Variants in CSMD1 observed in about 807,000 individuals in gnomAD.
CSMD1 encodes CUB and sushi domain-containing protein 1.
Under a neutral mutation model 417.5 loss-of-function variants are expected in CSMD1, and 213 were observed. The ratio of observed to expected loss-of-function variants is 0.51; its 90% CI spans 0.46 to 0.57. The LOEUF is 0.57. CSMD1 is among the 20% of genes least tolerant of loss of function. The pLI is 0.00. For missense variants in CSMD1, 6,923 were observed against 4,529.7 expected (o/e 1.53, Z -15.17); for synonymous variants, 2,862 against 1,736.8 (o/e 1.65, Z -16.11).
intron 3 of CSMD1, among the ~76,000 whole-genome samples, chr8:4,264,622 C>T (rs1396310058): frequency 6.6e-6 from 1 of 152,154 alleles, no homozygotes; most frequent in Non-Finnish European, 1.5e-5. Context: ...GTAAGGGTTT[C>T]TCACCTGCTG....
intron 2 of CSMD1, among the ~76,000 whole-genome samples, chr8:4,453,204 GAC>G (rs1231380580): frequency 7.0e-5 from 9 of 129,334 alleles, no homozygotes; most frequent in African/African-American, 2.5e-4. Context: ...CACCCACACA[GAC>G]ACACACAGAG....
At chr8:4,648,745 G>A (rs549774358) in intron 1 of CSMD1, among the ~76,000 whole-genome samples, 4 of 152,250 alleles carry the variant, frequency 2.6e-5, no homozygotes, top group Non-Finnish European at 5.9e-5. Context: ...GAGAATTTGT[G>A]GGGATGAGGG....
rs370645178 is a variant in CSMD1 at position 4,245,253 on chromosome 8, T to C, written c.415+174700A>G. 5.3e-4 allele frequency among the ~76,000 whole-genome samples: 81 copies of C among 152,338 alleles called. 1 individual carries two copies. The highest frequency in any genetic ancestry group is 1.9e-3 in the African/African-American group (78 of 41,586). Reference sequence around the variant, plus strand: ...AATCGGATGAAATCAAGCACCTGCATTACGCAATGAATTATATAACTCTAC... The same window carrying C: ...AATCGGATGAAATCAAGCACCTGCACTACGCAATGAATTATATAACTCTAC... On this transcript the variant is annotated intron_variant, in intron 3 of 69. Transcript: ENST00000635120.
intron 2 of CSMD1, among the ~76,000 whole-genome samples, chr8:4,451,161 C>T (rs192416381): frequency 2.0e-5 from 3 of 146,718 alleles, no homozygotes; most frequent in Non-Finnish European, 3.1e-5. Context: ...GACCCTGTCT[C>T]TATCAAAATA....
At chr8:4,948,764 T>A (rs532923352) in intron 1 of CSMD1, among the ~76,000 whole-genome samples, 1 of 152,150 alleles carries the variant, frequency 6.6e-6, no homozygotes, top group South Asian at 2.1e-4. Flanking sequence ...GTTTCTTTCT[T>A]TATAACCCTG....
At chr8:4,189,514 A>G (rs1206250673) in intron 3 of CSMD1, among the ~76,000 whole-genome samples, 2 of 152,218 alleles carry the variant, frequency 1.3e-5, no homozygotes, top group African/African-American at 4.8e-5. Context: ...GTATAAACAT[A>G]TATTAAAGAT....
intron 1 of CSMD1, among the ~76,000 whole-genome samples, chr8:4,929,943 G>C (rs1200654787): frequency 1.3e-5 from 2 of 152,206 alleles, no homozygotes; most frequent in African/African-American, 4.8e-5. Context: ...TTTAGTTCCT[G>C]AGTGAAGCTA....
chr8:3,727,539 G>C (rs914538404), intron 6 of CSMD1, among the ~76,000 whole-genome samples: 2 of 152,266 alleles, frequency 1.3e-5, no homozygotes, highest in Admixed American at 1.3e-4. Context: ...GGCAGCTGTC[G>C]TGAAAAAACA....
At chr8:4,831,090 T>A (rs1415417495) in intron 1 of CSMD1, among the ~76,000 whole-genome samples, 2 of 152,226 alleles carry the variant, frequency 1.3e-5, no homozygotes, top group Non-Finnish European at 2.9e-5. Flanking sequence ...GAGGGATGTT[T>A]TTTCCATTTT....
chr8:4,943,971 A>G (rs1210818210), intron 1 of CSMD1, among the ~76,000 whole-genome samples: 1 of 152,226 alleles, frequency 6.6e-6, no homozygotes, highest in Non-Finnish European at 1.5e-5. Flanking sequence ...GGAAAGAAAC[A>G]TGACAAGACA....
intron 5 of CSMD1, among the ~76,000 whole-genome samples, chr8:3,973,245 G>C (rs940219892): frequency 3.9e-5 from 6 of 152,190 alleles, no homozygotes; most frequent in Admixed American, 1.3e-4. Context: ...TGGCAGGTGG[G>C]AGTGAGAGCT....
chr8:3,539,030 G>C (rs1232629017), intron 10 of CSMD1, among the ~76,000 whole-genome samples: 2 of 152,150 alleles, frequency 1.3e-5, no homozygotes, highest in African/African-American at 2.4e-5. Context: ...CATTAGGACA[G>C]CCTGAAACAC....
chr8:4,606,190 C>T (rs774152101), intron 2 of CSMD1, among the ~76,000 whole-genome samples: 1 of 152,176 alleles, frequency 6.6e-6, no homozygotes, highest in Non-Finnish European at 1.5e-5. Context: ...GGGCACTGCA[C>T]TCCACTCAGC....
At chr8:3,177,474 C>T (rs1225083361) in intron 37 of CSMD1, among the ~76,000 whole-genome samples, 1 of 152,164 alleles carries the variant, frequency 6.6e-6, no homozygotes, top group Non-Finnish European at 1.5e-5. Flanking sequence ...TCATATTATA[C>T]ATAAAGTGAC....
chr8:3,256,436 T>C (rs1342371433), intron 26 of CSMD1, among the ~76,000 whole-genome samples: 2 of 152,108 alleles, frequency 1.3e-5, no homozygotes, highest in Non-Finnish European at 2.9e-5. Context: ...CCGAAATAAG[T>C]TCATTGTCCC....
At chr8:3,015,440 G>T (rs934296955) in intron 52 of CSMD1, among the ~76,000 whole-genome samples, 1 of 151,556 alleles carries the variant, frequency 6.6e-6, no homozygotes, top group Non-Finnish European at 1.5e-5. Context: ...TTTGTCAAGG[G>T]GTCATCATTT....
At chr8:3,801,126 G>A (rs541510017) in intron 5 of CSMD1, among the ~76,000 whole-genome samples, 33 of 151,506 alleles carry the variant, frequency 2.2e-4, no homozygotes, top group East Asian at 1.2e-3. Context: ...AAATTTTACC[G>A]ACATTAAAAA....
chr8:4,249,801 T>A (rs975303970), intron 3 of CSMD1, among the ~76,000 whole-genome samples: 3 of 152,126 alleles, frequency 2.0e-5, no homozygotes, highest in Non-Finnish European at 4.4e-5. Context: ...GAACACAGTG[T>A]CAGTTTAGAA....
chr8:3,979,088 C>T (rs1049855966), intron 5 of CSMD1, among the ~76,000 whole-genome samples: 1 of 152,200 alleles, frequency 6.6e-6, no homozygotes, highest in Non-Finnish European at 1.5e-5. Context: ...GACCTTTGAA[C>T]AGTAGCCAGT....
Sources: gnomAD v4.1 joint callset for allele counts (sites outside exome capture counted in the v4.1 genomes callset) on GRCh38, gnomAD v4.1.1 for gene constraint, MANE v1.5 for transcripts, NCBI Gene and HGNC (gene_info 2026-07-23, HGNC 2026-07-21) for gene names.